ANKRD62: variants seen among roughly 807,000 people sequenced by gnomAD.
The protein encoded by ANKRD62 is ankyrin repeat domain-containing protein 62.
Under a neutral mutation model 98.8 loss-of-function variants are expected in ANKRD62, and 61 were observed. The observed-to-expected ratio is 0.62, with a 90% CI of 0.50 to 0.76. The LOEUF (loss-of-function observed/expected upper bound fraction) is 0.76, where lower values mean the gene tolerates loss of function less well. Among genes scored for constraint, ANKRD62 ranks in the 30% least tolerant of loss-of-function variants. The probability of loss-of-function intolerance (pLI) is 0.00; values close to 1 mark genes in which losing one functional copy is unlikely to be tolerated. For missense variants in ANKRD62, 933 were observed against 1,082.9 expected (o/e 0.86, Z 1.94); for synonymous variants, 341 against 367.9 (o/e 0.93, Z 0.84).
chr18:12,176,084 C>G, the ANKRD62 span, among the ~76,000 whole-genome samples: 1 of 151,556 alleles, frequency 6.6e-6, no homozygotes. Flanking sequence ...CCCAGCTACT[C>G]GGAAGACTGA....
At chr18:12,171,641 A>G in the ANKRD62 span, among the ~76,000 whole-genome samples, 1 of 152,084 alleles carries the variant, frequency 6.6e-6, no homozygotes, top group Non-Finnish European at 1.5e-5. Context: ...CTCGAGGAGT[A>G]TCTTTGTGAT....
At chr18:12,174,258 A>G in the ANKRD62 span, among the ~76,000 whole-genome samples, 1 of 152,058 alleles carries the variant, frequency 6.6e-6, no homozygotes. Flanking sequence ...TCTTCAAGCT[A>G]TGAGATACTT....
At chr18:12,153,615 GA>G in the ANKRD62 span, among the ~76,000 whole-genome samples, 1 of 147,312 alleles carries the variant, frequency 6.8e-6, no homozygotes, top group Non-Finnish European at 1.5e-5. Context: ...AAAAAAGAAA[GA>G]AAGAAAAAAA....
the ANKRD62 span, among the ~76,000 whole-genome samples, chr18:12,137,778 G>A: frequency 4.2e-3 from 644 of 152,304 alleles, 4 homozygotes; most frequent in African/African-American, 0.015. Context: ...TCTTGGGAGA[G>A]TGTATGTGTT....
the ANKRD62 span, among the ~76,000 whole-genome samples, chr18:12,170,179 A>G: frequency 6.6e-6 from 1 of 152,044 alleles, no homozygotes; most frequent in African/African-American, 2.4e-5. Context: ...TAGCTTTTGA[A>G]TGTGTTTGTT....
the ANKRD62 span, among the ~76,000 whole-genome samples, chr18:12,141,067 G>C: frequency 0.88 from 134,146 of 152,282 alleles, 59,217 homozygotes; most frequent in Middle Eastern, 0.98. Context: ...GCGCCCCTCC[G>C]CCAGCCTCGC....
At chr18:12,153,813 A>G in the ANKRD62 span, among the ~76,000 whole-genome samples, 1 of 152,182 alleles carries the variant, frequency 6.6e-6, no homozygotes, top group South Asian at 2.1e-4. Context: ...CACACCTTCA[A>G]CTATTTGTTC....
the ANKRD62 span, among the ~76,000 whole-genome samples, chr18:12,145,145 C>CTGTGT: frequency 2.0e-5 from 3 of 152,102 alleles, no homozygotes; most frequent in Non-Finnish European, 4.4e-5. Context: ...CTGTGCTGTG[C>CTGTGT]TGTGCTGGGG....
the ANKRD62 span, among the ~76,000 whole-genome samples, chr18:12,175,725 G>A: frequency 6.6e-5 from 10 of 151,828 alleles, no homozygotes; most frequent in East Asian, 5.8e-4. Flanking sequence ...TTCCTGAAAA[G>A]ATGACTTAAA....
downstream of ANKRD62, among the ~76,000 whole-genome samples, chr18:12,132,814 A>G (rs1910025464): frequency 6.6e-6 from 1 of 152,146 alleles, no homozygotes; most frequent in Non-Finnish European, 1.5e-5. Flanking sequence ...TTAATTTAAA[A>G]TAATTTTTAA....
At chr18:12,167,595 CAT>C in the ANKRD62 span, among the ~76,000 whole-genome samples, 12 of 152,118 alleles carry the variant, frequency 7.9e-5, no homozygotes, top group South Asian at 2.1e-4. Flanking sequence ...ACAATAAACA[CAT>C]GTGTGCATGT....
At chr18:12,106,392 A>T (rs1004388284) in intron 7 of ANKRD62, among the ~76,000 whole-genome samples, 12 of 152,160 alleles carry the variant, frequency 7.9e-5, no homozygotes, top group African/African-American at 2.9e-4. Flanking sequence ...AAAAAGTAAA[A>T]GTAGATGAGG....
the ANKRD62 span, among the ~76,000 whole-genome samples, chr18:12,171,786 T>C: frequency 6.6e-6 from 1 of 152,240 alleles, no homozygotes; most frequent in Non-Finnish European, 1.5e-5. Context: ...CACTCAGACG[T>C]AGATTTGGTC....
the ANKRD62 span, among the ~76,000 whole-genome samples, chr18:12,140,854 T>A: frequency 6.6e-6 from 1 of 152,248 alleles, no homozygotes; most frequent in South Asian, 2.1e-4. Flanking sequence ...AGCTGCCTGC[T>A]GGGAGAACCA....
intron 11 of ANKRD62, among the ~76,000 whole-genome samples, chr18:12,123,678 T>A (rs1361288722): frequency 6.6e-6 from 1 of 152,352 alleles, no homozygotes; most frequent in African/African-American, 2.4e-5. Flanking sequence ...CAAGAAGGCA[T>A]CTGGAGGTGC....
chr18:12,178,241 C>A, the ANKRD62 span, among the ~76,000 whole-genome samples: 1 of 150,482 alleles, frequency 6.6e-6, no homozygotes, highest in African/African-American at 2.5e-5. Context: ...ACAGGTGTTC[C>A]AAGAAAGGCA....
intron 6 of ANKRD62, 87 bp downstream of exon 6, chr18:12,099,769 G>GT: frequency 1.6e-6 from 1 of 628,536 alleles, no homozygotes. Context: ...CAAAACAGCA[G>GT]TTTAAAAAAA....
At chr18:12,175,455 G>A in the ANKRD62 span, among the ~76,000 whole-genome samples, 1 of 152,050 alleles carries the variant, frequency 6.6e-6, no homozygotes. Context: ...GACAAGGAAA[G>A]CAAAACCCGT....
In ANKRD62 at chr18:12,093,958, G is replaced by A. The variant is rs2143887002; in HGVS notation, c.-60G>A. On this transcript the variant is annotated 5_prime_UTR_variant, in exon 1 of 14. It adds an upstream start codon to the 5' untranslated region. Transcript: ENST00000587848. ...TGCGCTCCAGAGAGGCAGAAAACGAGTGGGAGCTGAGGTGTCTTAAAGCCG... is the reference window on the plus strand; with the variant it reads ...TGCGCTCCAGAGAGGCAGAAAACGAATGGGAGCTGAGGTGTCTTAAAGCCG... 6.7e-7 allele frequency: 1 copy of A among 1,495,894 alleles called. No individual in the cohort carries two copies. Among genetic ancestry groups the A allele is most frequent in the Non-Finnish European group, 9.0e-7 (1 of 1,112,992 alleles). 92.7% of individuals were successfully genotyped at this position (1,495,894 alleles called of 1,614,324 possible). A position where few individuals can be genotyped will look rare whatever the true frequency, so the allele number is the denominator to read the frequency against.
Sources: gnomAD v4.1 joint callset for allele counts (sites outside exome capture counted in the v4.1 genomes callset) on GRCh38, gnomAD v4.1.1 for gene constraint, MANE v1.5 for transcripts, NCBI Gene and HGNC (gene_info 2026-07-23, HGNC 2026-07-21) for gene names.